FAHD1: variants seen among roughly 807,000 people sequenced by gnomAD.
FAHD1 encodes oxaloacetate tautomerase FAHD1, mitochondrial.
Under a neutral mutation model 12.7 loss-of-function variants are expected in FAHD1, and 14 were observed. The observed-to-expected ratio is 1.10, with a 90% CI of 0.73 to 1.72. The LOEUF (loss-of-function observed/expected upper bound fraction) is 1.72, where lower values mean the gene tolerates loss of function less well. FAHD1 is among the 40% of genes most tolerant of loss of function. The probability of loss-of-function intolerance (pLI) is 0.00; values close to 1 mark genes in which losing one functional copy is unlikely to be tolerated. For synonymous variants in FAHD1, 153 were observed against 124.9 expected, an observed-to-expected ratio of 1.22 and a Z score of -1.50; for missense variants, 351 against 298.9, an observed-to-expected ratio of 1.17 and a Z score of -1.29.
At chr16:1,832,256 C>T (rs369951542), downstream of FAHD1, among the ~76,000 whole-genome samples, 830 of 137,790 alleles carry the variant, frequency 6.0e-3, 34 homozygotes, top group East Asian at 0.11. Context: ...CTGCAAGCTC[C>T]GCCTCCCGGG....
At chr16:1,839,285 TC>T (rs758440898) in exon 3 of FAHD1, 2 of 1,613,598 alleles carry the variant, frequency 1.2e-6, no homozygotes, top group Admixed American at 1.7e-5. Flanking sequence ...CAGCAACACT[TC>T]CTGTGAGACT....
chr16:1,827,682 G>C, exon 1 of FAHD1: 1 of 1,614,130 alleles, frequency 6.2e-7, no homozygotes, highest in Non-Finnish European at 8.5e-7. Context: ...TCTGGCTCAA[G>C]GTCAACGGCG....
downstream of FAHD1, among the ~76,000 whole-genome samples, chr16:1,831,606 G>C (rs1390481839): frequency 6.6e-6 from 1 of 152,170 alleles, no homozygotes; most frequent in Non-Finnish European, 1.5e-5. Flanking sequence ...TCTGCTATTA[G>C]AAACAATGAT....
chr16:1,828,024 G>T, exon 1 of FAHD1: 2 of 1,481,216 alleles, frequency 1.4e-6, no homozygotes, highest in Non-Finnish European at 1.8e-6. Flanking sequence ...GCTCACGCCT[G>T]TAATCGCAGC....
downstream of FAHD1, among the ~76,000 whole-genome samples, chr16:1,830,450 ATAGC>A (rs1898599300): frequency 6.6e-6 from 1 of 152,260 alleles, no homozygotes; most frequent in African/African-American, 2.4e-5. Flanking sequence ...CAGCTGAGAT[ATAGC>A]TACCAAGTTG....
chr16:1,830,451 T>C (rs1898599267), downstream of FAHD1, among the ~76,000 whole-genome samples: 1 of 152,218 alleles, frequency 6.6e-6, no homozygotes, highest in African/African-American at 2.4e-5. Context: ...AGCTGAGATA[T>C]AGCTACCAAG....
intron 2 of FAHD1, among the ~76,000 whole-genome samples, chr16:1,838,723 G>A (rs896801698): frequency 2.0e-5 from 3 of 151,802 alleles, no homozygotes; most frequent in Non-Finnish European, 4.4e-5. Context: ...GACAAGTCTT[G>A]CTCTATCACT....
downstream of FAHD1, among the ~76,000 whole-genome samples, chr16:1,830,776 A>G (rs1421368356): frequency 6.6e-6 from 1 of 152,212 alleles, no homozygotes; most frequent in Non-Finnish European, 1.5e-5. Context: ...AAGTTTAAAA[A>G]CCAATACAAT....
At chr16:1,829,836 A>G (rs1387273311), downstream of FAHD1, among the ~76,000 whole-genome samples, 1 of 151,994 alleles carries the variant, frequency 6.6e-6, no homozygotes, top group Non-Finnish European at 1.5e-5. Flanking sequence ...GAGTTTGCTC[A>G]TACCATACAA....
downstream of FAHD1, among the ~76,000 whole-genome samples, chr16:1,830,944 A>ACACACACACACCCCCCACCCACC (rs57025691): frequency 6.1e-5 from 9 of 147,308 alleles, no homozygotes; most frequent in South Asian, 8.8e-4. Flanking sequence ...ACACACACAC[A>ACACACACACACCCCCCACCCACC]CCCATATTTT....
intron 1 of FAHD1, chr16:1,834,114 ACCT>A: frequency 1.7e-6 from 1 of 591,762 alleles, no homozygotes; most frequent in Admixed American, 3.1e-5. Context: ...CACCCAGACC[ACCT>A]CCACCATAAC....
exon 1 of FAHD1, chr16:1,827,519 A>G: frequency 1.9e-6 from 3 of 1,613,186 alleles, no homozygotes; most frequent in Non-Finnish European, 2.5e-6. Flanking sequence ...GTGGGCGGCT[A>G]TGCCCTGTGC....
At chr16:1,830,895 G>C (rs1898607456), downstream of FAHD1, among the ~76,000 whole-genome samples, 1 of 129,044 alleles carries the variant, frequency 7.7e-6, no homozygotes, top group Non-Finnish European at 1.6e-5. Flanking sequence ...TATATATGCA[G>C]ACATGCACCT....
At chr16:1,835,699 GAC>G (rs1482554961) in intron 1 of FAHD1, among the ~76,000 whole-genome samples, 3 of 152,118 alleles carry the variant, frequency 2.0e-5, no homozygotes, top group Non-Finnish European at 4.4e-5. Flanking sequence ...GTAGAAAGCT[GAC>G]AGTGATTCGA....
exon 1 of FAHD1, chr16:1,827,417 C>T (rs199742650): frequency 6.8e-6 from 11 of 1,610,018 alleles, no homozygotes; most frequent in Admixed American, 1.7e-5. Context: ...CTCATGCCCG[C>T]GTACACTCGC....
At chr16:1,836,021 G>A (rs11248896) in intron 1 of FAHD1, among the ~76,000 whole-genome samples, 26,923 of 151,754 alleles carry the variant, frequency 0.18, 2,505 homozygotes, top group South Asian at 0.27. Context: ...CACCATGCCT[G>A]GCTAATTTTT....
downstream of FAHD1, among the ~76,000 whole-genome samples, chr16:1,833,651 T>C (rs1301743794): frequency 1.4e-5 from 2 of 143,492 alleles, no homozygotes; most frequent in Non-Finnish European, 3.0e-5. Context: ...AACCTCCTCA[T>C]CCCAGGTTCA....
At chr16:1,832,528 G>A (rs1262310256), downstream of FAHD1, among the ~76,000 whole-genome samples, 1 of 148,636 alleles carries the variant, frequency 6.7e-6, no homozygotes, top group African/African-American at 2.5e-5. Context: ...GCTCACGCCT[G>A]TAATCCCAGC....
chr16:1,839,238 T>C, intron 2 of FAHD1: 7 of 1,556,494 alleles, frequency 4.5e-6, no homozygotes, highest in Non-Finnish European at 6.1e-6. Flanking sequence ...AAACATTTCT[T>C]CCTTTTTGCT....
Sources: gnomAD v4.1 joint callset for allele counts (sites outside exome capture counted in the v4.1 genomes callset) on GRCh38, gnomAD v4.1.1 for gene constraint, MANE v1.5 for transcripts, NCBI Gene and HGNC (gene_info 2026-07-23, HGNC 2026-07-21) for gene names.